ATG10: variants seen among roughly 807,000 people sequenced by gnomAD.
ATG10 encodes ubiquitin-like-conjugating enzyme ATG10.
In ATG10, 30 loss-of-function variants were observed where a neutral mutation model predicts 32.1. The ratio of observed to expected loss-of-function variants is 0.94; its 90% CI spans 0.70 to 1.27. The LOEUF is 1.27. ATG10 is among the 50% of genes most tolerant of loss of function. The probability of loss-of-function intolerance (pLI) is 0.00; values close to 1 mark genes in which losing one functional copy is unlikely to be tolerated. For synonymous variants in ATG10, 87 were observed against 91.5 expected (o/e 0.95, Z 0.28); for missense variants, 233 against 262.3 (o/e 0.89, Z 0.77).
intron 2 of ATG10, among the ~76,000 whole-genome samples, chr5:82,043,731 C>A (rs1377266479): frequency 6.6e-6 from 1 of 152,166 alleles, no homozygotes; most frequent in African/African-American, 2.4e-5. Flanking sequence ...AGGGCACGGG[C>A]AAAATGCTGC....
chr5:81,990,607 G>A (rs193078506), intron 2 of ATG10, among the ~76,000 whole-genome samples: 4 of 152,348 alleles, frequency 2.6e-5, no homozygotes, highest in South Asian at 4.1e-4. Context: ...AAAAAGGGAT[G>A]TGTAAGTCTA....
intron 3 of ATG10, among the ~76,000 whole-genome samples, chr5:82,154,947 G>T (rs1354458082): frequency 6.6e-6 from 1 of 152,208 alleles, no homozygotes; most frequent in Non-Finnish European, 1.5e-5. Context: ...GCTGTTTCTT[G>T]TGCATGTGTG....
intron 5 of ATG10, chr5:82,242,766 T>G (rs911225957): frequency 2.4e-5 from 10 of 415,230 alleles, no homozygotes; most frequent in Non-Finnish European, 3.8e-5. Flanking sequence ...ATATAAAGCA[T>G]TCACAGGATT....
chr5:82,164,272 C>A, intron 3 of ATG10, 127 bp from the exon 4 acceptor site: 2 of 930,078 alleles, frequency 2.2e-6, no homozygotes, highest in Non-Finnish European at 3.2e-6. Flanking sequence ...ACTCCCTTTT[C>A]CTTGCCTCAT....
intron 3 of ATG10, among the ~76,000 whole-genome samples, chr5:82,157,135 A>G (rs1767828299): frequency 6.6e-6 from 1 of 152,188 alleles, no homozygotes. Flanking sequence ...AATCCTGCAC[A>G]GGAAACAGAT....
intron 2 of ATG10, among the ~76,000 whole-genome samples, chr5:81,991,474 A>T (rs1159099676): frequency 1.3e-5 from 2 of 152,162 alleles, no homozygotes; most frequent in Non-Finnish European, 2.9e-5. Context: ...AAGTTTCCTC[A>T]TACTCCTGCT....
intron 3 of ATG10, among the ~76,000 whole-genome samples, chr5:82,079,312 C>T (rs1581666738): frequency 6.6e-6 from 1 of 151,846 alleles, no homozygotes; most frequent in East Asian, 1.9e-4. Context: ...GAACAAGTCA[C>T]ATCTTACATG....
chr5:82,034,218 C>T (rs1762841139), intron 2 of ATG10, among the ~76,000 whole-genome samples: 1 of 151,984 alleles, frequency 6.6e-6, no homozygotes, highest in African/African-American at 2.4e-5. Context: ...TACTACCCAG[C>T]CCCCAACCTG....
intron 5 of ATG10, among the ~76,000 whole-genome samples, chr5:82,245,550 C>T (rs922157287): frequency 2.0e-5 from 3 of 152,140 alleles, no homozygotes; most frequent in Admixed American, 6.5e-5. Flanking sequence ...CAAGATTAAC[C>T]ACATTTTTCA....
chr5:82,063,656 C>G (rs1185768351), intron 3 of ATG10, among the ~76,000 whole-genome samples: 1 of 152,036 alleles, frequency 6.6e-6, no homozygotes, highest in Non-Finnish European at 1.5e-5. Context: ...TCATGCCTGG[C>G]TAATTTTTGT....
At chr5:81,983,140 G>A (rs1409788758) in intron 1 of ATG10, among the ~76,000 whole-genome samples, 2 of 151,584 alleles carry the variant, frequency 1.3e-5, no homozygotes, top group East Asian at 3.9e-4. Flanking sequence ...CCGGACAGAG[G>A]TGCCCCTCAC....
chr5:82,097,119 TA>T (rs1765096412), intron 3 of ATG10, among the ~76,000 whole-genome samples: 1 of 152,174 alleles, frequency 6.6e-6, no homozygotes, highest in South Asian at 2.1e-4. Flanking sequence ...ACAGAGTTTT[TA>T]GTCAACCTTG....
rs1190740162 is a variant in ATG10, at chr5:81,972,043, C to T, written c.-276C>T. On this transcript the variant is annotated 5_prime_UTR_variant, in exon 1 of 8. Transcript: ENST00000282185. ...AAGGCGCAGTGCGCACGCTCCGACT[C>T]GGCCGTGGCGGACCTGACTGAAGGA... 2.0e-5 allele frequency: 3 copies of T among 152,048 alleles called. No homozygotes were observed. The highest frequency in any genetic ancestry group is 4.4e-5 in the Non-Finnish European group (3 of 67,956). 9.4% of individuals were successfully genotyped at this position (152,048 alleles called of 1,614,324 possible).
intron 2 of ATG10, among the ~76,000 whole-genome samples, chr5:82,011,038 A>T (rs1197218961): frequency 1.3e-5 from 2 of 152,194 alleles, no homozygotes; most frequent in Non-Finnish European, 2.9e-5. Context: ...CTGCGTTCCC[A>T]TATTTCTGTA....
intron 2 of ATG10, among the ~76,000 whole-genome samples, chr5:82,036,868 C>T (rs1031595089): frequency 1.3e-5 from 2 of 151,730 alleles, no homozygotes; most frequent in African/African-American, 4.8e-5. Flanking sequence ...TGTGGTGGCT[C>T]ACATCTGTAA....
At chr5:82,150,446 A>C (rs1402002449) in intron 3 of ATG10, among the ~76,000 whole-genome samples, 2 of 152,330 alleles carry the variant, frequency 1.3e-5, no homozygotes, top group East Asian at 3.9e-4. Flanking sequence ...AAATACATTA[A>C]TTCAGTATTA....
intron 3 of ATG10, among the ~76,000 whole-genome samples, chr5:82,077,730 C>T (rs1049339574): frequency 2.6e-5 from 4 of 152,194 alleles, no homozygotes; most frequent in African/African-American, 9.7e-5. Flanking sequence ...TGAAGAAAGC[C>T]AGCACTTTAT....
chr5:82,006,758 C>T (rs564053460), intron 2 of ATG10, among the ~76,000 whole-genome samples: 3 of 152,182 alleles, frequency 2.0e-5, no homozygotes, highest in Non-Finnish European at 4.4e-5. Flanking sequence ...ACTCCAGAAT[C>T]CCCACAGCCC....
chr5:82,033,671 C>T (rs1212248459), intron 2 of ATG10, among the ~76,000 whole-genome samples: 1 of 151,684 alleles, frequency 6.6e-6, no homozygotes, highest in Non-Finnish European at 1.5e-5. Context: ...AACTTCTCTT[C>T]TCCAATTAGA....
Sources: allele counts gnomAD v4.1 joint callset (sites outside exome capture counted in the v4.1 genomes callset), GRCh38; gene constraint gnomAD v4.1.1; transcripts MANE v1.5; gene names NCBI Gene and HGNC (gene_info 2026-07-23, HGNC 2026-07-21).